The following SPEF2 variants were observed in gnomAD, a reference collection of about 807,000 sequenced individuals.
SPEF2 encodes the protein sperm flagella and cilia-associated protein 2.
In SPEF2, 187 loss-of-function variants were observed where a neutral mutation model predicts 224.6. The ratio of observed to expected loss-of-function variants is 0.83; its 90% CI spans 0.74 to 0.94. The LOEUF (loss-of-function observed/expected upper bound fraction) is 0.94. Ranked by LOEUF, SPEF2 falls within the 40% of genes least tolerant of loss-of-function variation. The pLI, the probability that SPEF2 is intolerant of heterozygous loss-of-function variation, is 0.00. For missense variants in SPEF2, 2,170 were observed against 2,135.6 expected, an observed-to-expected ratio of 1.02 and a Z score of -0.32; for synonymous variants, 715 against 707.3, an observed-to-expected ratio of 1.01 and a Z score of -0.17.
Position 35,806,698 on chromosome 5 carries a change from A to G in SPEF2, c.5011-9A>G, listed in dbSNP as rs777299940. 1.2e-6 allele frequency: 2 copies of G among 1,601,938 alleles called. No individual in the cohort carries two copies. The highest frequency in any genetic ancestry group is 2.3e-5 in the South Asian group (2 of 88,192). On this transcript the variant is annotated splice_polypyrimidine_tract_variant and intron_variant, in intron 34 of 36. Coordinates refer to ENST00000356031, the MANE Select transcript of SPEF2 (RefSeq NM_024867.4). The stretch of plus-strand genomic sequence containing the variant: ...TTTAACTTCATGTTCTCTTCATTTA[A>G]CTTTGCAGACCTCCTCAACTGATGC...
chr5:35,779,765 C>G (rs761580420), intron 30 of SPEF2, among the ~76,000 whole-genome samples: 2 of 152,164 alleles, frequency 1.3e-5, no homozygotes, highest in African/African-American at 2.4e-5. Context: ...TTGGCCTTTT[C>G]CCTCAGTGCT....
At chr5:35,749,353 A>G in intron 23 of SPEF2, among the ~76,000 whole-genome samples, 1 of 152,134 alleles carries the variant, frequency 6.6e-6, no homozygotes. Flanking sequence ...TCCTAGCCAG[A>G]GCAATCAGAC....
At chr5:35,710,022 C>A in intron 19 of SPEF2, 1 of 976,642 alleles carries the variant, frequency 1.0e-6, no homozygotes, top group African/African-American at 1.8e-5. Context: ...TCATATTAAA[C>A]AAAGACATAT....
intron 2 of SPEF2, 37 bp from the exon 3 acceptor site, chr5:35,641,394 G>A (rs756318000): frequency 3.2e-6 from 5 of 1,567,684 alleles, no homozygotes; most frequent in Non-Finnish European, 4.3e-6. Flanking sequence ...TTAATTTAAT[G>A]CTAATGTCTA....
intron 33 of SPEF2, among the ~76,000 whole-genome samples, chr5:35,799,076 T>C (rs1757067863): frequency 6.6e-6 from 1 of 152,192 alleles, no homozygotes; most frequent in South Asian, 2.1e-4. Context: ...CTTCTCAAAG[T>C]ATGAGCCAGA....
At position 35,806,577 on chromosome 5, in the gene SPEF2, G is replaced by A. The variant is rs78063514; in HGVS notation, c.5011-130G>A. ...AGCTAGTGTATTCTCCTCTAGACTGGTTAGCTAGTTTGTGGTAGGCTCTGT... is the reference window on the plus strand; with the variant it reads ...AGCTAGTGTATTCTCCTCTAGACTGATTAGCTAGTTTGTGGTAGGCTCTGT... On this transcript the variant is annotated intron_variant, in intron 34 of 36. Transcript: ENST00000356031. 4.8e-3 allele frequency: 5,603 copies of A among 1,157,756 alleles called. 20 individuals carry two copies. Among genetic ancestry groups the A allele is most frequent in the Middle Eastern group, 0.011 (53 of 4,820 alleles). The allele number at this position is 1,157,756 out of a possible 1,614,324, so 71.7% of individuals were successfully genotyped here.
At chr5:35,653,141 CAAG>C (rs1330693123) in intron 6 of SPEF2, among the ~76,000 whole-genome samples, 1 of 152,000 alleles carries the variant, frequency 6.6e-6, no homozygotes, top group Non-Finnish European at 1.5e-5. Flanking sequence ...AATTCTGTAC[CAAG>C]CCCCCATTTG....
intron 21 of SPEF2, among the ~76,000 whole-genome samples, chr5:35,738,183 A>G (rs1023466840): frequency 1.3e-5 from 2 of 152,052 alleles, no homozygotes; most frequent in Non-Finnish European, 2.9e-5. Context: ...ACTCTGATGT[A>G]GTTTCTTTTG....
intron 30 of SPEF2, among the ~76,000 whole-genome samples, chr5:35,782,140 G>T (rs1580714912): frequency 6.6e-6 from 1 of 152,262 alleles, no homozygotes; most frequent in South Asian, 2.1e-4. Flanking sequence ...TTAAATGAAG[G>T]CTTTTGTTGT....
chr5:35,659,030 G>A lies in SPEF2; in HGVS notation c.990G>A (p.Arg330=), dbSNP rs145935493. ...CCTGGTGTTTTCAGGAGGCTTATCG[G>A]GAGGAACAGCTGATTAACCGGCTGA... The part of the protein sequence containing the change: ...IAHEAQEEAY[R]EEQLINRLMR... The change falls in exon 8 of 37, where the codon CGG becomes CGA. Residue 330 remains arginine, a synonymous_variant. Coordinates refer to ENST00000356031, the MANE Select transcript of SPEF2 (RefSeq NM_024867.4). The A allele has an allele frequency of 6.4e-6, 10 of 1,563,156 alleles. No homozygotes were observed. In the African/African-American group the frequency reaches 1.1e-4, roughly 17 times the overall value.
At chr5:35,755,790 A>G (rs1165961637) in intron 24 of SPEF2, among the ~76,000 whole-genome samples, 3 of 152,032 alleles carry the variant, frequency 2.0e-5, no homozygotes, top group African/African-American at 4.8e-5. Context: ...TTGTATTTTT[A>G]GTAGAGACAC....
chr5:35,781,265 T>C (rs1017079073), intron 30 of SPEF2: 2 of 152,184 alleles, frequency 1.3e-5, no homozygotes, highest in African/African-American at 4.8e-5. Flanking sequence ...ACTATTTGAG[T>C]TCTTTCTGGG....
In SPEF2 at chr5:35,763,624, C is replaced by T. The variant is rs79969516; in HGVS notation, c.3723C>T (p.Asn1241=). Reference sequence around the variant, plus strand: ...GCAAGATGGATAACTCCCTAGAAAACGTTGAGTCCAACTTTGAGGCCGATG... The same window carrying T: ...GCAAGATGGATAACTCCCTAGAAAATGTTGAGTCCAACTTTGAGGCCGATG... ...LKGKMDNSLE[N]VESNFEADEK... is the part of the protein sequence containing the mutation. The change falls in exon 26 of 37, where the codon AAC becomes AAT. Residue 1241 remains asparagine (N), a synonymous_variant. Transcript: ENST00000356031. 1.1e-3 allele frequency: 1,790 copies of T among 1,613,918 alleles called. 23 individuals carry two copies. The East Asian group carries it at 0.031, about 28-fold the overall frequency.
At position 35,763,693 on chromosome 5, in the gene SPEF2, A is replaced by G. The variant is rs1751669755; in HGVS notation, c.3792A>G (p.Val1264=). Reference sequence around the variant, plus strand: ...CCTGGCAGCAGGCTTCTTTAGCAGTATCTCACATGGTAAGCAGTGCTCGTT... The same window carrying G: ...CCTGGCAGCAGGCTTCTTTAGCAGTGTCTCACATGGTAAGCAGTGCTCGTT... ...MDTWQQASLA[V]SHMVAAEIHQ... is the part of the protein sequence containing the mutation. The change falls in exon 26 of 37, where the codon GTA becomes GTG. Residue 1264 remains valine, a synonymous_variant. Coordinates refer to ENST00000356031, the MANE Select transcript of SPEF2 (RefSeq NM_024867.4). 6.2e-7 allele frequency: 1 copy of G among 1,610,326 alleles called. No homozygotes were observed. The highest frequency in any genetic ancestry group is 8.5e-7 in the Non-Finnish European group (1 of 1,178,858).
intron 2 of SPEF2, among the ~76,000 whole-genome samples, chr5:35,628,794 G>A (rs955276308): frequency 6.6e-6 from 1 of 151,896 alleles, no homozygotes; most frequent in African/African-American, 2.4e-5. Flanking sequence ...GTTTTTCCCT[G>A]TTGCCCAGGC....
chr5:35,726,212 C>T (rs533173356), intron 20 of SPEF2, among the ~76,000 whole-genome samples: 9 of 152,194 alleles, frequency 5.9e-5, no homozygotes, highest in Non-Finnish European at 1.2e-4. Flanking sequence ...AGAAATATTC[C>T]GACTCTCTCA....
chr5:35,685,958 T>G (rs943207681), intron 10 of SPEF2, among the ~76,000 whole-genome samples: 2 of 152,072 alleles, frequency 1.3e-5, no homozygotes, highest in Non-Finnish European at 2.9e-5. Flanking sequence ...TAATGTACCC[T>G]GTCTTTTGTT....
intron 20 of SPEF2, among the ~76,000 whole-genome samples, chr5:35,722,044 G>C (rs1018904041): frequency 1.1e-4 from 17 of 152,130 alleles, no homozygotes; most frequent in African/African-American, 3.4e-4. Flanking sequence ...CCTAGTAAAG[G>C]GGGGTAAAAA....
chr5:35,669,975 A>T, intron 9 of SPEF2, 84 bp from the exon 10 acceptor site: 1 of 1,085,630 alleles, frequency 9.2e-7, no homozygotes, highest in Non-Finnish European at 1.3e-6. Context: ...TGAGCTAATT[A>T]CATAAATATA....
Sources: gnomAD v4.1 joint callset for allele counts (sites outside exome capture counted in the v4.1 genomes callset) on GRCh38, gnomAD v4.1.1 for gene constraint, MANE v1.5 for transcripts, NCBI Gene and HGNC (gene_info 2026-07-23, HGNC 2026-07-21) for gene names.